GPC6: variants seen among roughly 807,000 people sequenced by gnomAD.
The protein encoded by GPC6 is glypican 6.
GPC6 carries 14 observed loss-of-function variants against 55.2 expected under a neutral mutation model. The observed-to-expected ratio is 0.25, with a 90% CI of 0.17 to 0.40. The LOEUF is 0.40. GPC6 is among the 10% of genes least tolerant of loss of function. The probability of loss-of-function intolerance (pLI) is 1.00; values close to 1 mark genes in which losing one functional copy is unlikely to be tolerated. For synonymous variants in GPC6, 278 were observed against 259.6 expected (o/e 1.07, Z -0.68); for missense variants, 641 against 708.5 (o/e 0.90, Z 1.08).
intron 4 of GPC6, among the ~76,000 whole-genome samples, chr13:94,215,434 T>C (rs1315728160): frequency 6.6e-6 from 1 of 152,330 alleles, no homozygotes; most frequent in South Asian, 2.1e-4. Context: ...ATAATTTTTT[T>C]CTATATGCTA....
intron 4 of GPC6, among the ~76,000 whole-genome samples, chr13:94,211,558 G>A (rs1890080537): frequency 6.6e-6 from 1 of 152,222 alleles, no homozygotes; most frequent in Non-Finnish European, 1.5e-5. Context: ...TTTGAAGGGA[G>A]TAAGTTAGCT....
At chr13:94,399,950 T>C (rs1250890100) in intron 8 of GPC6, among the ~76,000 whole-genome samples, 4 of 152,222 alleles carry the variant, frequency 2.6e-5, no homozygotes, top group Admixed American at 1.3e-4. Flanking sequence ...CTCTATCATC[T>C]AGAGAGTGGC....
chr13:93,577,898 G>T (rs920034796), intron 2 of GPC6, among the ~76,000 whole-genome samples: 1 of 151,992 alleles, frequency 6.6e-6, no homozygotes, highest in Non-Finnish European at 1.5e-5. Context: ...TACCAAATTT[G>T]TTGCGGGTTT....
At chr13:93,714,005 C>G (rs1442578632) in intron 2 of GPC6, among the ~76,000 whole-genome samples, 1 of 151,844 alleles carries the variant, frequency 6.6e-6, no homozygotes, top group Non-Finnish European at 1.5e-5. Context: ...CAGGAAACAC[C>G]ATTCTGTTCA....
At chr13:93,318,479 A>G (rs1346054506) in intron 1 of GPC6, among the ~76,000 whole-genome samples, 1 of 152,182 alleles carries the variant, frequency 6.6e-6, no homozygotes, top group Non-Finnish European at 1.5e-5. Flanking sequence ...ACATGGTAAC[A>G]TGAGCAAATA....
At chr13:93,645,531 A>T (rs1483905165) in intron 2 of GPC6, among the ~76,000 whole-genome samples, 2 of 152,154 alleles carry the variant, frequency 1.3e-5, no homozygotes, top group East Asian at 3.9e-4. Context: ...GATCATTTCT[A>T]TGTGAACATG....
chr13:94,187,293 T>G (rs1266813643), intron 4 of GPC6: 1 of 152,204 alleles, frequency 6.6e-6, no homozygotes, highest in Non-Finnish European at 1.5e-5. Flanking sequence ...CTCGAAATTT[T>G]ATTTCCAAAT....
intron 1 of GPC6, among the ~76,000 whole-genome samples, chr13:93,466,094 T>A (rs1167181584): frequency 2.0e-5 from 3 of 151,946 alleles, no homozygotes; most frequent in African/African-American, 7.3e-5. Flanking sequence ...TAAGGAAAAG[T>A]TTGAAATATT....
chr13:94,165,200 T>C (rs1478009269), intron 4 of GPC6, among the ~76,000 whole-genome samples: 2 of 149,630 alleles, frequency 1.3e-5, no homozygotes, highest in Non-Finnish European at 3.0e-5. Context: ...TGTATGTGTG[T>C]GTGTGTGTAT....
intron 2 of GPC6, among the ~76,000 whole-genome samples, chr13:93,809,025 A>G (rs144682807): frequency 1.6e-4 from 25 of 152,356 alleles, no homozygotes; most frequent in African/African-American, 5.5e-4. Context: ...GAGAAAGAAT[A>G]GGAGAGAGAA....
At chr13:93,248,755 G>C (rs1876689930) in intron 1 of GPC6, among the ~76,000 whole-genome samples, 1 of 152,204 alleles carries the variant, frequency 6.6e-6, no homozygotes, top group Non-Finnish European at 1.5e-5. Flanking sequence ...CAGCCTGTAG[G>C]TGCACCACCT....
chr13:93,579,837 G>A (rs1040226636), intron 2 of GPC6, among the ~76,000 whole-genome samples: 4 of 152,046 alleles, frequency 2.6e-5, no homozygotes, highest in African/African-American at 7.2e-5. Context: ...AGTAAATGAT[G>A]GAGCCCCTCA....
chr13:93,751,908 C>T (rs1884607132), intron 2 of GPC6, among the ~76,000 whole-genome samples: 1 of 152,042 alleles, frequency 6.6e-6, no homozygotes, highest in African/African-American at 2.4e-5. Context: ...ACTTAAATTC[C>T]AGCCACACCA....
intron 4 of GPC6, among the ~76,000 whole-genome samples, chr13:94,063,767 A>G (rs947633803): frequency 2.6e-5 from 4 of 152,198 alleles, no homozygotes; most frequent in East Asian, 1.9e-4. Context: ...TGTTTTCTCC[A>G]GAGTTGTTAG....
chr13:93,229,270 G>A (rs1185791708), intron 1 of GPC6, among the ~76,000 whole-genome samples: 1 of 151,554 alleles, frequency 6.6e-6, no homozygotes, highest in East Asian at 1.9e-4. Flanking sequence ...CCAAATCTCA[G>A]GGAATTCAAC....
intron 1 of GPC6, among the ~76,000 whole-genome samples, chr13:93,418,764 C>T (rs193134864): frequency 6.3e-4 from 93 of 148,544 alleles, no homozygotes; most frequent in African/African-American, 2.2e-3. Context: ...CGTAGCATCA[C>T]TTTATTAATG....
intron 1 of GPC6, among the ~76,000 whole-genome samples, chr13:93,458,207 A>G (rs1306094197): frequency 6.6e-6 from 1 of 152,192 alleles, no homozygotes; most frequent in Non-Finnish European, 1.5e-5. Context: ...CATACTGCTC[A>G]GGAGAGACAC....
At chr13:93,738,362 C>T (rs1157958559) in intron 2 of GPC6, among the ~76,000 whole-genome samples, 1 of 152,052 alleles carries the variant, frequency 6.6e-6, no homozygotes, top group Non-Finnish European at 1.5e-5. Context: ...AAATGATCAC[C>T]CATGTTTTCT....
chr13:93,702,878 T>C (rs1882720522), intron 2 of GPC6, among the ~76,000 whole-genome samples: 1 of 152,070 alleles, frequency 6.6e-6, no homozygotes, highest in Non-Finnish European at 1.5e-5. Context: ...AAGGAAATGC[T>C]GTGGCTGGTT....
Sources: allele counts gnomAD v4.1 joint callset (sites outside exome capture counted in the v4.1 genomes callset), GRCh38; gene constraint gnomAD v4.1.1; transcripts MANE v1.5; gene names NCBI Gene and HGNC (gene_info 2026-07-23, HGNC 2026-07-21).